SIPA1L3: variants seen among roughly 807,000 people sequenced by gnomAD.
The protein encoded by SIPA1L3 is signal induced proliferation associated 1 like 3.
In SIPA1L3, 59 loss-of-function variants were observed where a neutral mutation model predicts 150.1. The observed-to-expected ratio is 0.39, with a 90% CI of 0.32 to 0.49. The LOEUF (loss-of-function observed/expected upper bound fraction) is 0.49. Among genes scored for constraint, SIPA1L3 ranks in the 20% least tolerant of loss-of-function variants. SIPA1L3 has a pLI of 0.86. For missense variants in SIPA1L3, 2,211 were observed against 2,489.5 expected, an observed-to-expected ratio of 0.89 and a Z score of 2.38; for synonymous variants, 1,070 against 1,077.6, an observed-to-expected ratio of 0.99 and a Z score of 0.14.
chr19:37,973,571 T>C (rs1445367416), intron 1 of SIPA1L3, among the ~76,000 whole-genome samples: 2 of 126,238 alleles, frequency 1.6e-5, no homozygotes, highest in Non-Finnish European at 3.1e-5. Context: ...GGGGGGCGCA[T>C]CTTGAAGCAC....
chr19:38,009,024 GT>G (rs895977474), intron 1 of SIPA1L3, among the ~76,000 whole-genome samples: 1 of 150,972 alleles, frequency 6.6e-6, no homozygotes, highest in African/African-American at 2.4e-5. Context: ...TTCTGGCCTG[GT>G]TTTTTTTTGT....
At chr19:38,136,225 TG>T (rs1035022835) in intron 10 of SIPA1L3, among the ~76,000 whole-genome samples, 2 of 124,516 alleles carry the variant, frequency 1.6e-5, no homozygotes, top group Non-Finnish European at 3.3e-5. Flanking sequence ...CGTAAGAAAG[TG>T]GGAGCAGTGG....
chr19:37,983,478 C>T (rs973526844), intron 1 of SIPA1L3, among the ~76,000 whole-genome samples: 1 of 152,124 alleles, frequency 6.6e-6, no homozygotes, highest in Non-Finnish European at 1.5e-5. Flanking sequence ...AGCAGCTGCT[C>T]CTAGGCACCG....
At chr19:38,167,647 C>T (rs951625812) in intron 15 of SIPA1L3, among the ~76,000 whole-genome samples, 18 of 152,130 alleles carry the variant, frequency 1.2e-4, no homozygotes, top group African/African-American at 3.4e-4. Context: ...ACGATAGCCT[C>T]GAACTCCTCA....
intron 1 of SIPA1L3, among the ~76,000 whole-genome samples, chr19:37,921,655 C>CA (rs1276682592): frequency 6.6e-6 from 1 of 151,158 alleles, no homozygotes; most frequent in Non-Finnish European, 1.5e-5. Flanking sequence ...GCCTGGAGTG[C>CA]AGTGGCACGA....
chr19:38,000,899 TA>T (rs1967773013), intron 1 of SIPA1L3, among the ~76,000 whole-genome samples: 2 of 103,236 alleles, frequency 1.9e-5, no homozygotes. Context: ...ATATGTTATA[TA>T]TATATATATA....
intron 8 of SIPA1L3, among the ~76,000 whole-genome samples, chr19:38,115,382 G>GA (rs1970860649): frequency 1.3e-5 from 2 of 152,298 alleles, no homozygotes; most frequent in African/African-American, 4.8e-5. Flanking sequence ...CAGGGCACAG[G>GA]AACCCAGGTG....
intron 1 of SIPA1L3, among the ~76,000 whole-genome samples, chr19:38,004,728 A>C (rs1244114806): frequency 1.3e-5 from 2 of 152,182 alleles, no homozygotes; most frequent in Non-Finnish European, 2.9e-5. Flanking sequence ...AGCTCACACT[A>C]GCAGGCTGGT....
At chr19:38,151,961 C>A (rs79386483) in intron 12 of SIPA1L3, among the ~76,000 whole-genome samples, 209 of 86,070 alleles carry the variant, frequency 2.4e-3, no homozygotes, top group African/African-American at 5.0e-3. Context: ...GACCCCATCT[C>A]AAAAAAAAAA....
intron 1 of SIPA1L3, among the ~76,000 whole-genome samples, chr19:37,916,279 A>G (rs1467163755): frequency 6.6e-6 from 1 of 151,900 alleles, no homozygotes; most frequent in East Asian, 1.9e-4. Context: ...TTCCCGCCTC[A>G]GCCTCCCAAA....
At chr19:38,015,895 A>G (rs973468861) in intron 1 of SIPA1L3, among the ~76,000 whole-genome samples, 1 of 151,928 alleles carries the variant, frequency 6.6e-6, no homozygotes, top group Non-Finnish European at 1.5e-5. Flanking sequence ...TAGTTGTGAT[A>G]ATATGCTTAC....
intron 2 of SIPA1L3, among the ~76,000 whole-genome samples, chr19:38,041,203 T>C (rs1375806578): frequency 6.7e-6 from 1 of 150,100 alleles, no homozygotes; most frequent in Admixed American, 6.7e-5. Flanking sequence ...ATCTCCAAAG[T>C]TCAAGCAATT....
At chr19:38,199,381 TC>T (rs1244263118) in intron 19 of SIPA1L3, among the ~76,000 whole-genome samples, 1 of 151,890 alleles carries the variant, frequency 6.6e-6, no homozygotes, top group Non-Finnish European at 1.5e-5. Context: ...CACTGACCAC[TC>T]CCCCGCAACC....
intron 9 of SIPA1L3, among the ~76,000 whole-genome samples, chr19:38,124,205 C>T (rs1234383741): frequency 2.7e-4 from 41 of 150,216 alleles, no homozygotes; most frequent in African/African-American, 8.6e-4. Flanking sequence ...ACTTCTCAGA[C>T]GGGGCAGCTG....
chr19:38,071,124 C>G (rs1260769549), intron 2 of SIPA1L3, among the ~76,000 whole-genome samples: 1 of 152,210 alleles, frequency 6.6e-6, no homozygotes, highest in Non-Finnish European at 1.5e-5. Context: ...CCTTGGGTCA[C>G]AGACCCCAAC....
At chr19:38,032,587 C>T (rs1968676642) in intron 2 of SIPA1L3, among the ~76,000 whole-genome samples, 1 of 152,110 alleles carries the variant, frequency 6.6e-6, no homozygotes, top group Non-Finnish European at 1.5e-5. Context: ...ACCTGTAATC[C>T]CAACACCTTT....
chr19:38,096,846 C>G (rs146682554), intron 4 of SIPA1L3, among the ~76,000 whole-genome samples: 64 of 152,262 alleles, frequency 4.2e-4, no homozygotes, highest in African/African-American at 1.5e-3. Flanking sequence ...CAATTTCTAT[C>G]CTAGGCATAA....
chr19:37,930,234 G>A (rs1430708246), intron 1 of SIPA1L3, among the ~76,000 whole-genome samples: 2 of 151,826 alleles, frequency 1.3e-5, no homozygotes, highest in African/African-American at 2.4e-5. Flanking sequence ...TGTTAGTCTC[G>A]ATCTCCTGAC....
chr19:38,028,957 G>C (rs1321110684), intron 1 of SIPA1L3, 132 bp from the exon 2 acceptor site: 1 of 152,280 alleles, frequency 6.6e-6, no homozygotes, highest in African/African-American at 2.4e-5. Flanking sequence ...GCCTCCCATA[G>C]TGCTGGGATT....
Sources: allele counts gnomAD v4.1 joint callset (sites outside exome capture counted in the v4.1 genomes callset), GRCh38; gene constraint gnomAD v4.1.1; transcripts MANE v1.5; gene names NCBI Gene and HGNC (gene_info 2026-07-23, HGNC 2026-07-21).